PRR16: variants seen among roughly 807,000 people sequenced by gnomAD.
PRR16 encodes protein Largen.
Under a neutral mutation model 18.2 loss-of-function variants are expected in PRR16, and 6 were observed. That is an observed-to-expected ratio of 0.33 (90% CI 0.18 to 0.65). The LOEUF is 0.65. PRR16 is among the 30% of genes least tolerant of loss of function. PRR16 has a pLI of 0.74. For missense variants in PRR16, 412 were observed against 376.6 expected (o/e 1.09, Z -0.78); for synonymous variants, 151 against 147.8 (o/e 1.02, Z -0.16).
chr5:120,495,207 A>G (rs1373919971), intron 1 of PRR16, among the ~76,000 whole-genome samples: 1 of 151,938 alleles, frequency 6.6e-6, no homozygotes, highest in African/African-American at 2.4e-5. Flanking sequence ...CATGAACATG[A>G]TTGTCTATTT....
At chr5:120,737,555 T>C in the PRR16 span, among the ~76,000 whole-genome samples, 1 of 151,942 alleles carries the variant, frequency 6.6e-6, no homozygotes, top group Non-Finnish European at 1.5e-5. Context: ...ACATCTCTTC[T>C]TGTAATAGCT....
At chr5:120,706,535 A>C in the PRR16 span, among the ~76,000 whole-genome samples, 9 of 152,138 alleles carry the variant, frequency 5.9e-5, no homozygotes, top group Non-Finnish European at 1.3e-4. Flanking sequence ...ACTATACCTG[A>C]TCTTTGAAAA....
At chr5:120,611,184 A>G (rs113456602) in intron 1 of PRR16, among the ~76,000 whole-genome samples, 8 of 152,332 alleles carry the variant, frequency 5.3e-5, no homozygotes, top group African/African-American at 1.9e-4. Flanking sequence ...AAAGTGTGCA[A>G]GTGGTGACTT....
the PRR16 span, among the ~76,000 whole-genome samples, chr5:120,754,401 T>TATAGTATATATTA: frequency 1.5e-5 from 1 of 67,204 alleles, no homozygotes; most frequent in African/African-American, 6.7e-5. Context: ...ATGTTATATA[T>TATAGTATATATTA]TATACTATAT....
the PRR16 span, among the ~76,000 whole-genome samples, chr5:120,700,562 T>A: frequency 1.3e-5 from 2 of 152,112 alleles, no homozygotes; most frequent in East Asian, 3.9e-4. Context: ...TGTCTCAGCC[T>A]AATAAGGGAA....
chr5:120,531,680 A>G (rs1480334548), intron 1 of PRR16: 1 of 151,986 alleles, frequency 6.6e-6, no homozygotes, highest in Non-Finnish European at 1.5e-5. Flanking sequence ...TGCCATTGTC[A>G]CTATCTAAAT....
intron 1 of PRR16, among the ~76,000 whole-genome samples, chr5:120,632,272 T>A (rs143785137): frequency 8.5e-4 from 129 of 152,108 alleles, no homozygotes; most frequent in Middle Eastern, 3.4e-3. Context: ...TCTACCCAAA[T>A]GAGAAAGAAC....
chr5:120,517,653 T>C (rs13362523), intron 1 of PRR16, among the ~76,000 whole-genome samples: 29,370 of 152,126 alleles, frequency 0.19, 3,029 homozygotes, highest in Middle Eastern at 0.24. Flanking sequence ...TTATTGATTG[T>C]TCTTTTTCGA....
the PRR16 span, among the ~76,000 whole-genome samples, chr5:120,739,252 A>G: frequency 3.0e-3 from 453 of 152,256 alleles, 1 homozygote; most frequent in African/African-American, 0.01. Context: ...ATATTATGAG[A>G]TATTTAGATA....
chr5:120,608,545 T>A (rs1754230358), intron 1 of PRR16, among the ~76,000 whole-genome samples: 1 of 152,226 alleles, frequency 6.6e-6, no homozygotes, highest in Non-Finnish European at 1.5e-5. Flanking sequence ...ACAGTCCAAA[T>A]GTTGCAACTA....
the PRR16 span, among the ~76,000 whole-genome samples, chr5:120,775,005 G>A: frequency 6.6e-6 from 1 of 152,034 alleles, no homozygotes; most frequent in Non-Finnish European, 1.5e-5. Flanking sequence ...TTCTCTTTTA[G>A]GCATTGTTTT....
chr5:120,531,342 A>C (rs1000357045), intron 1 of PRR16: 1 of 152,028 alleles, frequency 6.6e-6, no homozygotes, highest in Non-Finnish European at 1.5e-5. Context: ...GTTTAGGGGG[A>C]GTAGCTCAGA....
At chr5:120,659,376 A>T (rs1293756964) in intron 1 of PRR16, among the ~76,000 whole-genome samples, 1 of 151,776 alleles carries the variant, frequency 6.6e-6, no homozygotes, top group Non-Finnish European at 1.5e-5. Context: ...CAATTTTTAA[A>T]TGTCAAATAT....
Position 120,685,912 on chromosome 5 carries a change from T to A in PRR16, c.160-42T>A, listed in dbSNP as rs766142453. 4 of 1,559,378 alleles carry A rather than the reference T, an allele frequency of 2.6e-6. No individual in the cohort carries two copies. In the South Asian group the frequency reaches 3.6e-5, roughly 14 times the overall value. ...ATAAATTGTTTCTAGTATACTTTGT[T>A]TGGGTCATTCTTCAAAACAATTACC... On this transcript the variant is annotated intron_variant, in intron 1 of 1. Coordinates refer to ENST00000407149, the MANE Select transcript of PRR16 (RefSeq NM_001300783.2).
chr5:120,707,243 G>A, the PRR16 span, among the ~76,000 whole-genome samples: 91 of 152,304 alleles, frequency 6.0e-4, no homozygotes, highest in African/African-American at 2.1e-3. Flanking sequence ...GCTTGGAGGT[G>A]TTACTTTTGC....
At chr5:120,553,229 C>G (rs1198048492) in intron 1 of PRR16, among the ~76,000 whole-genome samples, 1 of 151,682 alleles carries the variant, frequency 6.6e-6, no homozygotes, top group African/African-American at 2.4e-5. Flanking sequence ...GGTAGGACTA[C>G]TAAAAAATAA....
chr5:120,620,929 A>C (rs143410997), intron 1 of PRR16, among the ~76,000 whole-genome samples: 1 of 152,290 alleles, frequency 6.6e-6, no homozygotes, highest in African/African-American at 2.4e-5. Context: ...ACACATAGAA[A>C]GCAGAACTTC....
intron 1 of PRR16, among the ~76,000 whole-genome samples, chr5:120,571,710 G>C (rs906453498): frequency 6.6e-6 from 1 of 152,126 alleles, no homozygotes; most frequent in Admixed American, 6.6e-5. Context: ...CTATCACTTT[G>C]GAAAAGATTA....
intron 1 of PRR16, chr5:120,617,123 A>T: frequency 1.0e-6 from 1 of 985,326 alleles, no homozygotes; most frequent in Non-Finnish European, 1.2e-6. Flanking sequence ...CCACCTCCCC[A>T]CATGATGAAA....
Sources: gnomAD v4.1 joint callset for allele counts (sites outside exome capture counted in the v4.1 genomes callset) on GRCh38, gnomAD v4.1.1 for gene constraint, MANE v1.5 for transcripts, NCBI Gene and HGNC (gene_info 2026-07-23, HGNC 2026-07-21) for gene names.